The following SGCZ variants were observed in gnomAD, a reference collection of about 807,000 sequenced individuals.
SGCZ encodes the protein sarcoglycan zeta, also known as zeta-sarcoglycan.
A neutral mutation model predicts 41.3 loss-of-function variants in SGCZ; 40 were observed. The ratio of observed to expected loss-of-function variants is 0.97; its 90% CI spans 0.75 to 1.26. The LOEUF (loss-of-function observed/expected upper bound fraction) is 1.26. SGCZ is among the 50% of genes most tolerant of loss of function. The pLI, the probability that SGCZ is intolerant of heterozygous loss-of-function variation, is 0.00. For missense variants in SGCZ, 552 were observed against 369.8 expected, an observed-to-expected ratio of 1.49 and a Z score of -4.04; for synonymous variants, 206 against 137.5, an observed-to-expected ratio of 1.50 and a Z score of -3.49.
At chr8:14,309,510 C>A (rs1203882146) in intron 3 of SGCZ, 1 of 1,608,796 alleles carries the variant, frequency 6.2e-7, no homozygotes, top group Admixed American at 1.7e-5. Context: ...GATAAGAGAG[C>A]AGTGTGGACT....
intron 2 of SGCZ, among the ~76,000 whole-genome samples, chr8:14,373,280 C>T (rs928955119): frequency 3.9e-5 from 6 of 152,068 alleles, no homozygotes; most frequent in Admixed American, 6.6e-5. Context: ...ACTGGAACAT[C>T]GATGCATAAT....
chr8:15,051,645 A>G (rs576806801), intron 1 of SGCZ, among the ~76,000 whole-genome samples: 1 of 152,230 alleles, frequency 6.6e-6, no homozygotes, highest in African/African-American at 2.4e-5. Flanking sequence ...ATTTCTCCAC[A>G]GTCTTGCCCA....
chr8:14,613,499 C>T (rs922115308), intron 1 of SGCZ, among the ~76,000 whole-genome samples: 3 of 152,102 alleles, frequency 2.0e-5, no homozygotes, highest in African/African-American at 7.2e-5. Flanking sequence ...ATAACAACAT[C>T]TAGGTGATAT....
chr8:14,728,391 A>G (rs1188050447), intron 1 of SGCZ, among the ~76,000 whole-genome samples: 1 of 144,628 alleles, frequency 6.9e-6, no homozygotes, highest in Non-Finnish European at 1.5e-5. Flanking sequence ...AAAAAAAAAC[A>G]TAATAAAGAC....
chr8:14,774,972 G>T (rs966899430), intron 1 of SGCZ, among the ~76,000 whole-genome samples: 2 of 152,098 alleles, frequency 1.3e-5, no homozygotes, highest in African/African-American at 2.4e-5. Flanking sequence ...TAGTGACTTT[G>T]ACTGAAACAC....
chr8:15,147,373 G>A (rs562197827), intron 1 of SGCZ, among the ~76,000 whole-genome samples: 2 of 152,148 alleles, frequency 1.3e-5, no homozygotes, highest in Non-Finnish European at 2.9e-5. Flanking sequence ...CCGCCTCCCG[G>A]GTTCAAACAA....
At chr8:14,542,559 C>A (rs1803502532) in intron 2 of SGCZ, among the ~76,000 whole-genome samples, 1 of 152,040 alleles carries the variant, frequency 6.6e-6, no homozygotes, top group Admixed American at 6.6e-5. Context: ...ACTTAGAGCA[C>A]CGAGCTATTT....
At chr8:15,177,255 G>A (rs771110548) in intron 1 of SGCZ, among the ~76,000 whole-genome samples, 23 of 152,290 alleles carry the variant, frequency 1.5e-4, no homozygotes, top group Non-Finnish European at 3.1e-4. Context: ...GCATTTAGAT[G>A]TTCCTCAGAT....
At chr8:14,106,530 T>C (rs1413708643) in intron 6 of SGCZ, among the ~76,000 whole-genome samples, 1 of 152,166 alleles carries the variant, frequency 6.6e-6, no homozygotes, top group African/African-American at 2.4e-5. Flanking sequence ...AACTGAGTTG[T>C]TTAGGAAATT....
intron 1 of SGCZ, among the ~76,000 whole-genome samples, chr8:14,924,663 T>C (rs547025528): frequency 5.3e-5 from 8 of 152,304 alleles, no homozygotes; most frequent in African/African-American, 1.9e-4. Context: ...TAGCATTTAC[T>C]TTCTATAAAA....
At chr8:14,912,539 A>G (rs1799306402) in intron 1 of SGCZ, among the ~76,000 whole-genome samples, 1 of 152,110 alleles carries the variant, frequency 6.6e-6, no homozygotes, top group Non-Finnish European at 1.5e-5. Flanking sequence ...TTAGGACAAC[A>G]TAAGATGGAA....
chr8:14,835,756 A>G (rs1563303790), intron 1 of SGCZ, among the ~76,000 whole-genome samples: 1 of 152,202 alleles, frequency 6.6e-6, no homozygotes, highest in Non-Finnish European at 1.5e-5. Context: ...GAATGTATTT[A>G]CATTCCTGAG....
chr8:14,396,526 A>G lies in SGCZ; in HGVS notation c.235-72322T>C, dbSNP rs139925679. 3.9e-5 allele frequency among the ~76,000 whole-genome samples: 6 copies of G among 152,058 alleles called. No individual in the cohort carries two copies. The East Asian group carries it at 1.2e-3, about 29-fold the overall frequency. ...ACTGTCACATTTATTCATTCACCCA[A>G]TATTAAGTACATAAACATGTAAACT... On this transcript the variant is annotated intron_variant, in intron 2 of 7. Transcript: ENST00000382080.
intron 3 of SGCZ, among the ~76,000 whole-genome samples, chr8:14,272,947 T>G (rs1203578441): frequency 6.6e-6 from 1 of 152,144 alleles, no homozygotes; most frequent in Admixed American, 6.6e-5. Flanking sequence ...AGTTTCTATG[T>G]AAACTCAAAT....
intron 1 of SGCZ, among the ~76,000 whole-genome samples, chr8:14,758,231 A>G (rs986559082): frequency 1.3e-5 from 2 of 152,184 alleles, no homozygotes; most frequent in Non-Finnish European, 2.9e-5. Context: ...TGTCGAATTC[A>G]CATCAAGATC....
intron 1 of SGCZ, among the ~76,000 whole-genome samples, chr8:14,877,966 T>C (rs899484944): frequency 2.8e-4 from 43 of 152,074 alleles, no homozygotes; most frequent in Admixed American, 1.6e-3. Context: ...AAGTGGGCTG[T>C]ACTGAGATGA....
chr8:14,716,211 T>C (rs1809685226), intron 1 of SGCZ, among the ~76,000 whole-genome samples: 1 of 136,236 alleles, frequency 7.3e-6, no homozygotes, highest in Non-Finnish European at 1.6e-5. Flanking sequence ...ATAAGTGTCA[T>C]AGTGAAAACA....
At chr8:15,036,023 T>C (rs1803861191) in intron 1 of SGCZ, among the ~76,000 whole-genome samples, 2 of 150,078 alleles carry the variant, frequency 1.3e-5, no homozygotes, top group East Asian at 2.0e-4. Flanking sequence ...CAATAGAAAC[T>C]AGAAAAAAAT....
chr8:14,127,615 C>G (rs148679694), intron 5 of SGCZ, among the ~76,000 whole-genome samples: 1 of 152,036 alleles, frequency 6.6e-6, no homozygotes, highest in South Asian at 2.1e-4. Context: ...ACTACCACAC[C>G]AGGCTAATTT....
Sources: gnomAD v4.1 joint callset for allele counts (sites outside exome capture counted in the v4.1 genomes callset) on GRCh38, gnomAD v4.1.1 for gene constraint, MANE v1.5 for transcripts, NCBI Gene and HGNC (gene_info 2026-07-23, HGNC 2026-07-21) for gene names.